The following OTUD7A variants were observed in gnomAD, a reference collection of about 807,000 sequenced individuals.
The protein encoded by OTUD7A is OTU domain-containing protein 7A.
OTUD7A carries 12 observed loss-of-function variants against 65.7 expected under a neutral mutation model. That is an observed-to-expected ratio of 0.18 (90% CI 0.12 to 0.30). The LOEUF (loss-of-function observed/expected upper bound fraction) is 0.30, where lower values mean the gene tolerates loss of function less well. Among genes scored for constraint, OTUD7A ranks in the 10% least tolerant of loss-of-function variants. The probability of loss-of-function intolerance (pLI) is 1.00; values close to 1 mark genes in which losing one functional copy is unlikely to be tolerated. For synonymous variants in OTUD7A, 641 were observed against 586.3 expected (o/e 1.09, Z -1.35); for missense variants, 1,148 against 1,304.8 (o/e 0.88, Z 1.85).
At chr15:31,778,278 C>G (rs1186019090) in intron 1 of OTUD7A, among the ~76,000 whole-genome samples, 1 of 152,044 alleles carries the variant, frequency 6.6e-6, no homozygotes, top group East Asian at 1.9e-4. Context: ...CACTTTGTAG[C>G]AATAATCTTC....
rs546329530 is a variant in OTUD7A, at chr15:31,550,882, G to A, written c.550+8087C>T. Among the ~76,000 whole-genome samples, 9 of 152,276 alleles carry A rather than the reference G, an allele frequency of 5.9e-5. No individual in the cohort carries two copies. In the South Asian group the frequency reaches 1.9e-3, roughly 32 times the overall value. ...GTCTGGGAGGTTTACTCGTGTCCCT[G>A]AAGTGCATGCTGCTAACGGGAGCTA... On this transcript the variant is annotated intron_variant, in intron 5 of 12. Coordinates refer to ENST00000307050, the MANE Select transcript of OTUD7A (RefSeq NM_001382637.1).
intron 3 of OTUD7A, among the ~76,000 whole-genome samples, chr15:31,631,981 T>A (rs569246849): frequency 1.3e-5 from 2 of 152,316 alleles, no homozygotes; most frequent in Admixed American, 1.3e-4. Flanking sequence ...ATTCTAGTTA[T>A]CCATTCATCT....
chr15:31,775,121 C>A (rs1336862984), intron 1 of OTUD7A, among the ~76,000 whole-genome samples: 1 of 150,780 alleles, frequency 6.6e-6, no homozygotes, highest in African/African-American at 2.4e-5. Flanking sequence ...CACACACACC[C>A]CTCCCCTCTT....
chr15:31,759,705 G>A (rs1318161709), intron 1 of OTUD7A, among the ~76,000 whole-genome samples: 1 of 151,994 alleles, frequency 6.6e-6, no homozygotes, highest in Non-Finnish European at 1.5e-5. Flanking sequence ...GCTATCTTTT[G>A]TATAGTAGTG....
intron 3 of OTUD7A, among the ~76,000 whole-genome samples, chr15:31,594,935 G>A (rs1175269633): frequency 6.6e-6 from 1 of 152,200 alleles, no homozygotes; most frequent in East Asian, 1.9e-4. Flanking sequence ...ATGCATCAGG[G>A]GGACTGTGTC....
At chr15:31,860,677 G>GTGTATATATAGATGTATGTGTGCA in intron 1 of OTUD7A, among the ~76,000 whole-genome samples, 1 of 73,284 alleles carries the variant, frequency 1.4e-5, no homozygotes, top group East Asian at 4.4e-4. Context: ...ATGTATGTGT[G>GTGTATATATAGATGTATGTGTGCA]TATATATATA....
chr15:31,675,146 C>A (rs1892568142), intron 1 of OTUD7A, among the ~76,000 whole-genome samples: 1 of 149,136 alleles, frequency 6.7e-6, no homozygotes, highest in Admixed American at 6.6e-5. Context: ...CATAGATGTA[C>A]AACTTAAAAT....
At chr15:31,631,513 C>T (rs575850697) in intron 3 of OTUD7A, among the ~76,000 whole-genome samples, 166 of 152,132 alleles carry the variant, frequency 1.1e-3, no homozygotes, top group Non-Finnish European at 5.0e-4. Flanking sequence ...TCTCTGTCTG[C>T]GCTTAACATT....
At chr15:31,606,602 C>A (rs1890246252) in intron 3 of OTUD7A, among the ~76,000 whole-genome samples, 1 of 152,160 alleles carries the variant, frequency 6.6e-6, no homozygotes, top group Non-Finnish European at 1.5e-5. Context: ...AATTACACAT[C>A]CTGCACCAAA....
chr15:31,741,482 T>C (rs527613358), intron 1 of OTUD7A, among the ~76,000 whole-genome samples: 1 of 152,306 alleles, frequency 6.6e-6, no homozygotes, highest in East Asian at 1.9e-4. Context: ...ATTCACTTTA[T>C]TGTTCCATAT....
At position 31,483,783 on chromosome 15, in the gene OTUD7A, C is replaced by T. The variant is rs1454328134; in HGVS notation, c.2313G>A (p.Pro771=). ...ASGPVPGRSP[P]APARQSVIHV... is the part of the protein sequence containing the mutation. ...GGATGACGCTCTGGCGCGCTGGCGC[C>T]GGGGGGCTGCGGCCAGGCACTGGTC... Residue 771 remains proline (P), a synonymous_variant, in exon 13 of 13, where the codon CCG becomes CCA. Transcript: ENST00000307050. 1 of 1,043,694 alleles carries T rather than the reference C, an allele frequency of 9.6e-7. No individual in the cohort carries two copies. Among genetic ancestry groups the T allele is most frequent in the Non-Finnish European group, 1.1e-6 (1 of 870,324 alleles). 64.7% of individuals were successfully genotyped at this position (1,043,694 alleles called of 1,614,324 possible). A position where few individuals can be genotyped will look rare whatever the true frequency, so the allele number is the denominator to read the frequency against.
intron 3 of OTUD7A, among the ~76,000 whole-genome samples, chr15:31,620,834 T>C (rs7167172): frequency 9.4e-6 from 1 of 106,292 alleles, no homozygotes; most frequent in African/African-American, 6.1e-5. Flanking sequence ...GCTCTTGCTT[T>C]TCTAGTTCTT....
chr15:31,576,475 T>C (rs1219747481), intron 3 of OTUD7A, among the ~76,000 whole-genome samples: 1 of 152,212 alleles, frequency 6.6e-6, no homozygotes, highest in Admixed American at 6.5e-5. Flanking sequence ...ATGCAAACTT[T>C]TATCTCTTAT....
chr15:31,867,644 C>A (rs562725541), intron 1 of OTUD7A, among the ~76,000 whole-genome samples: 5 of 152,328 alleles, frequency 3.3e-5, no homozygotes, highest in Non-Finnish European at 7.4e-5. Context: ...ACATTCACGC[C>A]ATGACCAGGA....
chr15:31,504,423 G>A (rs1400562342), intron 8 of OTUD7A, among the ~76,000 whole-genome samples: 4 of 152,248 alleles, frequency 2.6e-5, no homozygotes, highest in African/African-American at 9.6e-5. Flanking sequence ...CCAGGCTCAC[G>A]TCTGAGGATC....
intron 4 of OTUD7A, among the ~76,000 whole-genome samples, chr15:31,562,181 C>T (rs922829551): frequency 6.6e-6 from 1 of 152,130 alleles, no homozygotes; most frequent in Non-Finnish European, 1.5e-5. Flanking sequence ...ACCTCCCTGA[C>T]TGGGGAGAGG....
At chr15:31,588,690 C>T (rs535394290) in intron 3 of OTUD7A, among the ~76,000 whole-genome samples, 1 of 152,312 alleles carries the variant, frequency 6.6e-6, no homozygotes, top group Non-Finnish European at 1.5e-5. Flanking sequence ...GGAGTCCAGG[C>T]CTCTGATGGT....
intron 4 of OTUD7A, among the ~76,000 whole-genome samples, chr15:31,566,382 T>A (rs1181253505): frequency 1.3e-5 from 2 of 152,114 alleles, no homozygotes; most frequent in African/African-American, 4.8e-5. Context: ...AGAGGAAATA[T>A]ATGTTTTAGT....
chr15:31,711,039 C>A (rs62002677), intron 1 of OTUD7A, among the ~76,000 whole-genome samples: 47 of 149,776 alleles, frequency 3.1e-4, no homozygotes, highest in Non-Finnish European at 3.9e-4. Context: ...GGTTCATGTT[C>A]ATTCAGCTGA....
Sources: gnomAD v4.1 joint callset for allele counts (sites outside exome capture counted in the v4.1 genomes callset) on GRCh38, gnomAD v4.1.1 for gene constraint, MANE v1.5 for transcripts, NCBI Gene and HGNC (gene_info 2026-07-23, HGNC 2026-07-21) for gene names.